Variants in PISD observed in about 807,000 individuals in gnomAD.
PISD encodes the protein phosphatidylserine decarboxylase, also known as phosphatidylserine decarboxylase proenzyme, mitochondrial.
Under a neutral mutation model 43.5 loss-of-function variants are expected in PISD, and 31 were observed. The observed-to-expected ratio is 0.71, with a 90% CI of 0.54 to 0.96. PISD has a LOEUF of 0.96. Among genes scored for constraint, PISD ranks in the 40% least tolerant of loss-of-function variants. PISD has a pLI of 0.00. For synonymous variants in PISD, 259 were observed against 228.7 expected (o/e 1.13, Z -1.20); for missense variants, 523 against 548.4 (o/e 0.95, Z 0.46).
Position 31,621,764 on chromosome 22 carries a change from C to G in PISD, c.443G>C (p.Gly148Ala). 6.2e-7 allele frequency: 1 copy of G among 1,614,160 alleles called. No homozygotes were observed. The highest frequency in any genetic ancestry group is 8.5e-7 in the Non-Finnish European group (1 of 1,180,050). ...CACAGCGGCCTCTTTCATGTTCACC[C>G]CAAACGTCCAGATGTACAGGCTGTA... ...PVYSLYIWTF[G>A]VNMKEAAVED... Residue 148 changes from glycine (G) to alanine (A), a missense_variant, in exon 4 of 8, where the codon GGG becomes GCG. Transcript: ENST00000439502.
intron 1 of PISD, among the ~76,000 whole-genome samples, chr22:31,654,514 G>A (rs1366296611): frequency 6.6e-6 from 1 of 152,042 alleles, no homozygotes; most frequent in African/African-American, 2.4e-5. Flanking sequence ...CAGGATTCCC[G>A]ACCCTCTCTA....
intron 3 of PISD, chr22:31,623,881 C>T: frequency 1.3e-6 from 2 of 1,599,018 alleles, no homozygotes; most frequent in Non-Finnish European, 8.5e-7. Context: ...ACAGCCAGGT[C>T]AGTGGCCAGG....
In PISD at chr22:31,619,456, A is replaced by G. The variant is rs1317416420; in HGVS notation, c.*156T>C. 2.7e-5 allele frequency: 19 copies of G among 700,466 alleles called. No individual in the cohort carries two copies. The highest frequency in any genetic ancestry group is 1.4e-4 in the Admixed American group (7 of 49,754). 43.4% of individuals were successfully genotyped at this position (700,466 alleles called of 1,614,324 possible). A position where few individuals can be genotyped will look rare whatever the true frequency, so the allele number is the denominator to read the frequency against. On this transcript the variant is annotated 3_prime_UTR_variant, in exon 8 of 8. Transcript: ENST00000439502. ...GCCACCTCTTGTCTGCACCTCTGGA[A>G]CAGGTGGTAGCCGAATCATTCAAGT...
intron 3 of PISD, among the ~76,000 whole-genome samples, chr22:31,642,719 C>T (rs1295793046): frequency 1.3e-5 from 2 of 148,206 alleles, no homozygotes; most frequent in Non-Finnish European, 3.0e-5. Flanking sequence ...CACTTGAACC[C>T]GGGAGGCAGA....
chr22:31,662,187 G>T lies in PISD; in HGVS notation c.22C>A (p.Arg8=). The T allele has an allele frequency of 6.2e-7, 1 of 1,605,240 alleles. No individual in the cohort carries two copies. Residue 8 remains arginine (R), a synonymous_variant, in exon 1 of 8, where the codon CGA becomes AGA. Coordinates refer to ENST00000439502, the MANE Select transcript of PISD (RefSeq NM_001326411.2). MATSVGH[R]CLGLLHGVAP... ...ACCCCGTGCAGTAATCCCAGACATC[G>T]GTGCCCCACGGACGTCGCCATCTTG...
At chr22:31,659,756 T>C (rs1160153153) in intron 1 of PISD, among the ~76,000 whole-genome samples, 1 of 152,068 alleles carries the variant, frequency 6.6e-6, no homozygotes, top group Non-Finnish European at 1.5e-5. Flanking sequence ...CACACCCGGC[T>C]AATTTTTGTT....
intron 3 of PISD, chr22:31,638,751 AGCT>A: frequency 3.5e-6 from 1 of 283,786 alleles, no homozygotes; most frequent in Non-Finnish European, 5.3e-6. Context: ...CCTCTCAGGC[AGCT>A]GGGACCAGAG....
At chr22:31,626,030 A>G (rs2072891007) in intron 3 of PISD, 4 of 1,431,196 alleles carry the variant, frequency 2.8e-6, no homozygotes, top group East Asian at 2.5e-5. Flanking sequence ...TTGCAGACAG[A>G]CAGGCACTGG....
intron 2 of PISD, among the ~76,000 whole-genome samples, chr22:31,648,509 C>G (rs2073943595): frequency 6.6e-6 from 1 of 151,990 alleles, no homozygotes; most frequent in Non-Finnish European, 1.5e-5. Context: ...ACTAAAAATA[C>G]AAAAAGAAAA....
chr22:31,652,507 T>A (rs940889442), intron 1 of PISD, among the ~76,000 whole-genome samples: 9 of 151,900 alleles, frequency 5.9e-5, no homozygotes, highest in Non-Finnish European at 1.3e-4. Context: ...AAAATTTCCT[T>A]GCCTTACAAA....
chr22:31,623,965 C>T (rs2072731623), intron 3 of PISD: 1 of 940,598 alleles, frequency 1.1e-6, no homozygotes, highest in Admixed American at 2.7e-5. Context: ...CCTTGGCAAG[C>T]TGCCTCTCCA....
At chr22:31,636,520 G>A (rs1411978574) in intron 3 of PISD, among the ~76,000 whole-genome samples, 5 of 151,904 alleles carry the variant, frequency 3.3e-5, no homozygotes, top group African/African-American at 9.7e-5. Flanking sequence ...CCGCCACCAC[G>A]CCCAGCTAAT....
At chr22:31,627,753 A>C (rs2072987830) in intron 3 of PISD, among the ~76,000 whole-genome samples, 1 of 152,244 alleles carries the variant, frequency 6.6e-6, no homozygotes. Context: ...ATGTATTAGA[A>C]AGACATGAAC....
chr22:31,630,755 G>A lies in PISD; in HGVS notation c.322-8870C>T. 5.1e-6 allele frequency: 5 copies of A among 985,566 alleles called. No individual in the cohort carries two copies. Among genetic ancestry groups the A allele is most frequent in the Non-Finnish European group, 4.8e-6 (4 of 830,048 alleles). The allele number at this position is 985,566 out of a possible 1,614,324, so 61.1% of individuals were successfully genotyped here. ...GCAGGGTGGGGCGCCTCCCTGAGAAGTCACCTGGGGCTCCCGGCAGGGCCG... is the reference window on the plus strand; with the variant it reads ...GCAGGGTGGGGCGCCTCCCTGAGAAATCACCTGGGGCTCCCGGCAGGGCCG... On this transcript the variant is annotated intron_variant, in intron 3 of 7. Transcript: ENST00000439502. This position sits in a 1 kb window ranked among gnomAD's most constrained non-coding sequence, Gnocchi z 4.4.
intron 1 of PISD, among the ~76,000 whole-genome samples, chr22:31,659,685 G>A (rs1022928647): frequency 2.6e-5 from 4 of 151,802 alleles, no homozygotes; most frequent in South Asian, 2.1e-4. Flanking sequence ...TCCGCCTCCC[G>A]GGTTCAGGAG....
chr22:31,648,219 G>C lies in PISD; in HGVS notation c.203C>G (p.Pro68Arg), dbSNP rs749468799. 3.1e-6 allele frequency: 5 copies of C among 1,612,190 alleles called. No homozygotes were observed. The highest frequency in any genetic ancestry group is 3.4e-6 in the Non-Finnish European group (4 of 1,179,658). The change falls in exon 3 of 8, where the codon CCC (proline) becomes CGC (arginine). Residue 68 changes from proline (P) to arginine (R), a missense_variant. By Grantham distance (103) the Pro-to-Arg change is moderately radical (BLOSUM62 -2). Coordinates refer to ENST00000439502, the MANE Select transcript of PISD (RefSeq NM_001326411.2). ...ARTMFLLRPLPILLVTGGGYA... is the reference protein window; with the variant it reads ...ARTMFLLRPLRILLVTGGGYA... Reference sequence around the variant, plus strand: ...CCCGCCGCCTGTCACCAACAGAATGGGCAGGGGACGCAGCAGGAACATGGT... The same window carrying C: ...CCCGCCGCCTGTCACCAACAGAATGCGCAGGGGACGCAGCAGGAACATGGT...
At chr22:31,637,154 AAAAAAAAAAAATATATATAT>A (rs1367641532) in intron 3 of PISD, among the ~76,000 whole-genome samples, 41 of 43,204 alleles carry the variant, frequency 9.5e-4, no homozygotes, top group South Asian at 3.5e-3. Flanking sequence ...AAAAAAAAAA[AAAAAAAAAAAATATATATAT>A]ATATATATAT....
rs537684837 is a variant in PISD at position 31,620,584 on chromosome 22, T to C, written c.974A>G (p.Asn325Ser). Reference protein sequence around the residue: ...FFSLTAVGATNVGSIRIYFDR... With the variant: ...FFSLTAVGATSVGSIRIYFDR... ...AAAGTAGATGCGAATGGAGCCCACG[T>C]TGGTGGCCCCCACAGCTGTCAGTGA... is the stretch of plus-strand genomic sequence containing the variant. The change falls in exon 7 of 8, where the codon AAC (asparagine) becomes AGC (serine). Residue 325 changes from asparagine (N) to serine (S), a missense_variant. Physicochemically the swap from Asn to Ser is conservative, Grantham distance 46. Transcript: ENST00000439502. 13 of 1,614,084 alleles carry C rather than the reference T, an allele frequency of 8.1e-6. No homozygotes were observed. The highest frequency in any genetic ancestry group is 2.2e-5 in the East Asian group (1 of 44,890).
rs79540540 is a variant in PISD at position 31,653,917 on chromosome 22, G to A, written c.66-3139C>T. ...GAGAATCTTATTACGGGATCGTCCC[G>A]ATTTTCATATGAATGCTGTCATTTC... On this transcript the variant is annotated intron_variant, in intron 1 of 7. Transcript: ENST00000439502. Among the ~76,000 whole-genome samples, 748 of 152,270 alleles carry A rather than the reference G, an allele frequency of 4.9e-3. 5 individuals carry two copies. Among genetic ancestry groups the A allele is most frequent in the African/African-American group, 0.017 (709 of 41,558 alleles).
Sources: allele counts gnomAD v4.1 joint callset (sites outside exome capture counted in the v4.1 genomes callset), GRCh38; gene constraint gnomAD v4.1.1; non-coding constraint Gnocchi (gnomAD v3.1); transcripts MANE v1.5; gene names NCBI Gene and HGNC (gene_info 2026-07-23, HGNC 2026-07-21).